SMIM31: variants seen among roughly 807,000 people sequenced by gnomAD.
SMIM31 encodes the protein human epithelial cell program regulator.
chr4:164,760,598 G>T (rs2110919347), intron 1 of SMIM31, among the ~76,000 whole-genome samples: 1 of 151,794 alleles, frequency 6.6e-6, no homozygotes, highest in East Asian at 1.9e-4. Context: ...ACATGAGCCA[G>T]GTGTGGTGGT....
chr4:164,785,203 C>T (rs973306188), intron 2 of SMIM31, among the ~76,000 whole-genome samples: 1 of 150,158 alleles, frequency 6.7e-6, no homozygotes, highest in East Asian at 2.0e-4. Context: ...TCCAGCCTGG[C>T]GACAGAGCAA....
At chr4:164,758,497 T>C (rs1732596506) in intron 1 of SMIM31, among the ~76,000 whole-genome samples, 1 of 152,170 alleles carries the variant, frequency 6.6e-6, no homozygotes, top group African/African-American at 2.4e-5. Flanking sequence ...AAGTTTTTCA[T>C]ACATGTCCTT....
chr4:164,789,064 T>G (rs545437092), intron 2 of SMIM31, among the ~76,000 whole-genome samples: 48 of 150,878 alleles, frequency 3.2e-4, no homozygotes, highest in African/African-American at 1.2e-3. Flanking sequence ...ACTTGAAAAT[T>G]GTGATCTGGG....
chr4:164,780,380 TTG>T (rs1732933832), intron 2 of SMIM31, among the ~76,000 whole-genome samples: 1 of 152,208 alleles, frequency 6.6e-6, no homozygotes, highest in African/African-American at 2.4e-5. Flanking sequence ...TGAGCCGAGA[TTG>T]CGCCACTGCA....
chr4:164,790,380 C>T (rs1006449111), intron 2 of SMIM31, among the ~76,000 whole-genome samples: 2 of 152,090 alleles, frequency 1.3e-5, no homozygotes, highest in African/African-American at 4.8e-5. Flanking sequence ...ACATATGTTA[C>T]AGATTGCAAA....
intron 1 of SMIM31, among the ~76,000 whole-genome samples, chr4:164,760,357 A>G (rs1422531619): frequency 6.6e-6 from 1 of 152,192 alleles, no homozygotes; most frequent in African/African-American, 2.4e-5. Flanking sequence ...ACCCTATTTC[A>G]TTAAACCTTG....
intron 1 of SMIM31, among the ~76,000 whole-genome samples, chr4:164,757,659 T>C (rs1012623467): frequency 2.0e-5 from 3 of 152,216 alleles, no homozygotes; most frequent in Admixed American, 2.0e-4. Context: ...GTTCCACCAC[T>C]GTTTTCAAAA....
chr4:164,785,044 C>T (rs1469595042), intron 2 of SMIM31, among the ~76,000 whole-genome samples: 2 of 151,642 alleles, frequency 1.3e-5, no homozygotes, highest in South Asian at 2.1e-4. Context: ...GGCAACGTGG[C>T]AAAACCTTGT....
intron 2 of SMIM31, among the ~76,000 whole-genome samples, chr4:164,791,878 T>C (rs1368533872): frequency 6.6e-6 from 1 of 152,166 alleles, no homozygotes; most frequent in Non-Finnish European, 1.5e-5. Flanking sequence ...GTCTCCAATG[T>C]CTGTTTATAC....
At chr4:164,797,908 C>T (rs1733225917) in intron 2 of SMIM31, among the ~76,000 whole-genome samples, 1 of 152,140 alleles carries the variant, frequency 6.6e-6, no homozygotes, top group African/African-American at 2.4e-5. Flanking sequence ...TTTGTTGTCC[C>T]TAATGTCTAT....
At chr4:164,765,592 AT>A (rs1732709238) in intron 1 of SMIM31, among the ~76,000 whole-genome samples, 1 of 149,640 alleles carries the variant, frequency 6.7e-6, no homozygotes, top group South Asian at 2.2e-4. Context: ...CTTGTTCAGA[AT>A]TTTTAAAGAA....
At chr4:164,795,516 C>A (rs528262915) in intron 2 of SMIM31, among the ~76,000 whole-genome samples, 6 of 127,076 alleles carry the variant, frequency 4.7e-5, no homozygotes, top group Non-Finnish European at 1.5e-5. Flanking sequence ...GGCGAGATCA[C>A]GCCACTGCAC....
chr4:164,766,021 G>C (rs1027051294), intron 1 of SMIM31, among the ~76,000 whole-genome samples: 1 of 152,156 alleles, frequency 6.6e-6, no homozygotes, highest in Admixed American at 6.5e-5. Context: ...GCACTCAAGG[G>C]AGCCGCGAGA....
intron 2 of SMIM31, among the ~76,000 whole-genome samples, chr4:164,796,943 C>T (rs933192114): frequency 2.0e-5 from 3 of 152,188 alleles, no homozygotes; most frequent in Non-Finnish European, 4.4e-5. Flanking sequence ...GTCTTTCACC[C>T]AGCCTCTTGA....
At chr4:164,777,524 A>G (rs17486226) in intron 2 of SMIM31, among the ~76,000 whole-genome samples, 2,702 of 152,292 alleles carry the variant, frequency 0.018, 32 homozygotes, top group Middle Eastern at 0.044. Flanking sequence ...TGCCTGAATC[A>G]TATTGCTGTC....
intron 1 of SMIM31, among the ~76,000 whole-genome samples, chr4:164,758,640 T>TG (rs1390055237): frequency 3.8e-5 from 5 of 130,710 alleles, no homozygotes; most frequent in Admixed American, 7.9e-5. Context: ...GTTTTTTTTT[T>TG]TTTTTTTTTT....
At chr4:164,777,400 G>A (rs1048887943) in intron 2 of SMIM31, among the ~76,000 whole-genome samples, 1 of 152,146 alleles carries the variant, frequency 6.6e-6, no homozygotes, top group Non-Finnish European at 1.5e-5. Flanking sequence ...TTGTTCTTTA[G>A]TTTTTAAATT....
intron 2 of SMIM31, among the ~76,000 whole-genome samples, chr4:164,795,317 G>T (rs534530332): frequency 6.6e-6 from 1 of 152,294 alleles, no homozygotes; most frequent in East Asian, 1.9e-4. Context: ...CAGCACTTTG[G>T]GAGGCCAAGG....
intron 2 of SMIM31, among the ~76,000 whole-genome samples, chr4:164,782,093 C>T (rs529316219): frequency 3.0e-4 from 46 of 151,920 alleles, no homozygotes; most frequent in Non-Finnish European, 6.3e-4. Flanking sequence ...GAGTTCGAGA[C>T]CAGCCTGACC....
Sources: gnomAD v4.1 joint callset for allele counts (sites outside exome capture counted in the v4.1 genomes callset) on GRCh38, gnomAD v4.1.1 for gene constraint, MANE v1.5 for transcripts, NCBI Gene and HGNC (gene_info 2026-07-23, HGNC 2026-07-21) for gene names.